The following ARHGEF4 variants were observed in gnomAD, a reference collection of about 807,000 sequenced individuals.
ARHGEF4 encodes APC-stimulated guanine nucleotide exchange factor 1.
ARHGEF4 carries 119 observed loss-of-function variants against 162.0 expected under a neutral mutation model. The observed-to-expected ratio is 0.73, with a 90% CI of 0.63 to 0.86. The LOEUF (loss-of-function observed/expected upper bound fraction) is 0.86, where lower values mean the gene tolerates loss of function less well. ARHGEF4 is among the 40% of genes least tolerant of loss of function. ARHGEF4 has a pLI of 0.00. For missense variants in ARHGEF4, 2,488 were observed against 2,456.0 expected (o/e 1.01, Z -0.28); for synonymous variants, 1,014 against 979.9 (o/e 1.03, Z -0.65).
chr2:130,917,154 C>T lies in ARHGEF4; in HGVS notation c.3208C>T (p.Leu1070=). 6.4e-7 allele frequency: 1 copy of T among 1,550,554 alleles called. No homozygotes were observed. The highest frequency in any genetic ancestry group is 1.4e-5 in the African/African-American group (1 of 73,170). ...CCAGCAGGCTGGAATCGCACACACCCTGCCTTCCAGCTCTGCCTGCTGCCT... is the reference window on the plus strand; with the variant it reads ...CCAGCAGGCTGGAATCGCACACACCTTGCCTTCCAGCTCTGCCTGCTGCCT... ...RAQQAGIAHT[L]PSSSACCLAY... Residue 1070 remains leucine (L), a synonymous_variant, in exon 2 of 14, where the codon CTG becomes TTG. Transcript: ENST00000409359.
intron 1 of ARHGEF4, among the ~76,000 whole-genome samples, chr2:130,844,347 C>T (rs1004247469): frequency 6.6e-6 from 1 of 152,206 alleles, no homozygotes; most frequent in Non-Finnish European, 1.5e-5. Context: ...CCCTCCGGCC[C>T]TCACGTTGCC....
At chr2:131,023,748 C>T (rs1262739944) in intron 4 of ARHGEF4, among the ~76,000 whole-genome samples, 2 of 152,202 alleles carry the variant, frequency 1.3e-5, no homozygotes, top group East Asian at 1.9e-4. Flanking sequence ...CCAGTAATTA[C>T]ACTCCTGGGC....
chr2:130,930,577 T>C lies in ARHGEF4; in HGVS notation c.3553-375T>C, dbSNP rs137966187. On this transcript the variant is annotated intron_variant, in intron 2 of 13. Transcript: ENST00000409359. ...CTCTGGAAGAGTGCTTCTGCTTCAG[T>C]TTTGTTCATAAGGGAATGTTGTTTA... Among the ~76,000 whole-genome samples, 911 of 152,208 alleles carry C rather than the reference T, an allele frequency of 6.0e-3. 8 individuals carry two copies. Among genetic ancestry groups the C allele is most frequent in the African/African-American group, 0.021 (879 of 41,526 alleles).
intron 4 of ARHGEF4, among the ~76,000 whole-genome samples, chr2:131,015,389 C>T (rs1688710123): frequency 6.6e-6 from 1 of 152,088 alleles, no homozygotes; most frequent in East Asian, 1.9e-4. Context: ...TTTGGGAGAA[C>T]CTGAGGAAAT....
At chr2:130,993,416 G>A (rs558097560) in intron 4 of ARHGEF4, among the ~76,000 whole-genome samples, 2 of 152,194 alleles carry the variant, frequency 1.3e-5, no homozygotes, top group African/African-American at 4.8e-5. Context: ...AATAATTTTA[G>A]TGTTTCATAT....
intron 4 of ARHGEF4, among the ~76,000 whole-genome samples, chr2:131,026,586 G>A (rs1689488331): frequency 6.6e-6 from 1 of 152,076 alleles, no homozygotes; most frequent in Non-Finnish European, 1.5e-5. Context: ...AGACAAATGG[G>A]TAAAACTCAT....
At chr2:130,996,270 T>G (rs149005627) in intron 4 of ARHGEF4, among the ~76,000 whole-genome samples, 1 of 152,224 alleles carries the variant, frequency 6.6e-6, no homozygotes, top group Non-Finnish European at 1.5e-5. Context: ...CACACTCGGC[T>G]TACCTGCCTG....
chr2:131,020,008 T>C (rs1209050033), intron 4 of ARHGEF4, among the ~76,000 whole-genome samples: 1 of 152,232 alleles, frequency 6.6e-6, no homozygotes, highest in South Asian at 2.1e-4. Flanking sequence ...ATTGCAAATA[T>C]ACAGAAATAA....
At chr2:130,966,876 C>T (rs942380520) in intron 4 of ARHGEF4, among the ~76,000 whole-genome samples, 1 of 152,184 alleles carries the variant, frequency 6.6e-6, no homozygotes, top group Non-Finnish European at 1.5e-5. Context: ...GGGTGCGCCC[C>T]ACTGAGTCGC....
chr2:130,940,819 G>A (rs1438286558), intron 3 of ARHGEF4, among the ~76,000 whole-genome samples: 6 of 133,286 alleles, frequency 4.5e-5, no homozygotes, highest in African/African-American at 8.4e-5. Context: ...GTGACAGAGC[G>A]AGACTCCGTC....
In ARHGEF4 at chr2:131,043,384, A is replaced by T. The variant is rs547330683; in HGVS notation, c.5026-68A>T. On this transcript the variant is annotated intron_variant, in intron 10 of 13. Transcript: ENST00000409359. ...GGGGGAGGTGCGCCACCCACCCATG[A>T]TGGGGGCAGGAAGTGGAGCCCACGG... 4 of 1,597,410 alleles carry T rather than the reference A, an allele frequency of 2.5e-6. No homozygotes were observed. The South Asian group carries it at 3.3e-5, about 13-fold the overall frequency.
At chr2:130,890,936 T>C (rs1212582883) in intron 1 of ARHGEF4, among the ~76,000 whole-genome samples, 2 of 152,194 alleles carry the variant, frequency 1.3e-5, no homozygotes, top group African/African-American at 4.8e-5. Context: ...TTACTTCTTT[T>C]CTACCATCTT....
rs754761015 is a variant in ARHGEF4 at position 131,044,313 on chromosome 2, C to T, written c.5172C>T (p.Arg1724=). Residue 1724 remains arginine, a synonymous_variant, in exon 12 of 14, where the codon CGC becomes CGT. Coordinates refer to ENST00000409359, the MANE Select transcript of ARHGEF4 (RefSeq NM_001367493.1). ...LIYCKKDLLR[R]DVLYYKGRLD... ...GCATCTGGCAGGACCTGCTCCGCCG[C>T]GACGTGTTGTACTACAAGGGCCGGC... 28 of 1,610,424 alleles carry T rather than the reference C, an allele frequency of 1.7e-5. No homozygotes were observed. Among genetic ancestry groups the T allele is most frequent in the African/African-American group, 4.0e-5 (3 of 74,892 alleles).
chr2:130,890,924 TCTTA>T (rs1187098568), intron 1 of ARHGEF4, among the ~76,000 whole-genome samples: 1 of 152,186 alleles, frequency 6.6e-6, no homozygotes, highest in East Asian at 1.9e-4. Flanking sequence ...TCTGTGGGTC[TCTTA>T]CTTCTTTTCT....
intron 4 of ARHGEF4, among the ~76,000 whole-genome samples, chr2:131,011,197 C>T (rs536156765): frequency 2.6e-4 from 39 of 152,296 alleles, no homozygotes; most frequent in African/African-American, 9.4e-4. Context: ...GTTTAGATTA[C>T]ATTTTCTTGA....
At chr2:131,039,990 A>C in intron 6 of ARHGEF4, 26 bp from the exon 7 acceptor site, 1 of 1,548,022 alleles carries the variant, frequency 6.5e-7, no homozygotes, top group African/African-American at 1.4e-5. Context: ...GATGCGGGGC[A>C]CTGACCGGCC....
intron 1 of ARHGEF4, among the ~76,000 whole-genome samples, chr2:130,907,374 T>C (rs1680889317): frequency 6.6e-6 from 1 of 151,592 alleles, no homozygotes; most frequent in Non-Finnish European, 1.5e-5. Flanking sequence ...GCCACCATGC[T>C]CAACTAATAT....
intron 4 of ARHGEF4, among the ~76,000 whole-genome samples, chr2:131,017,329 C>T (rs1468256488): frequency 1.3e-5 from 2 of 152,200 alleles, no homozygotes; most frequent in Non-Finnish European, 2.9e-5. Flanking sequence ...CTTCCCCCAC[C>T]TTCACCTTCA....
intron 4 of ARHGEF4, among the ~76,000 whole-genome samples, chr2:130,962,847 C>T (rs564066477): frequency 4.4e-4 from 67 of 152,262 alleles, no homozygotes; most frequent in Admixed American, 4.2e-3. Context: ...AGGCCATCAG[C>T]AGCCCTGATT....
Sources: gnomAD v4.1 joint callset for allele counts (sites outside exome capture counted in the v4.1 genomes callset) on GRCh38, gnomAD v4.1.1 for gene constraint, MANE v1.5 for transcripts, NCBI Gene and HGNC (gene_info 2026-07-23, HGNC 2026-07-21) for gene names.